CSMD1: variants seen among roughly 807,000 people sequenced by gnomAD.
CSMD1 encodes CUB and Sushi multiple domains 1, also known as CUB and sushi domain-containing protein 1.
A neutral mutation model predicts 417.5 loss-of-function variants in CSMD1; 213 were observed. The ratio of observed to expected loss-of-function variants is 0.51; its 90% CI spans 0.46 to 0.57. The LOEUF (loss-of-function observed/expected upper bound fraction) is 0.57, where lower values mean the gene tolerates loss of function less well. Among genes scored for constraint, CSMD1 ranks in the 20% least tolerant of loss-of-function variants. CSMD1 has a pLI of 0.00. For missense variants in CSMD1, 6,923 were observed against 4,529.7 expected (o/e 1.53, Z -15.17); for synonymous variants, 2,862 against 1,736.8 (o/e 1.65, Z -16.11).
chr8:4,695,963 T>G (rs986325798), intron 1 of CSMD1, among the ~76,000 whole-genome samples: 12 of 152,190 alleles, frequency 7.9e-5, no homozygotes, highest in Admixed American at 2.6e-4. Flanking sequence ...GGTTAGAGAC[T>G]TGGGTTCCGG....
intron 1 of CSMD1, among the ~76,000 whole-genome samples, chr8:4,676,281 G>C (rs927963559): frequency 1.3e-5 from 2 of 152,042 alleles, no homozygotes; most frequent in African/African-American, 4.8e-5. Flanking sequence ...TATATATTAA[G>C]ATAAATTAGC....
chr8:3,648,808 CTCAGA>C (rs201488089), intron 7 of CSMD1, among the ~76,000 whole-genome samples: 7,714 of 152,262 alleles, frequency 0.051, 250 homozygotes, highest in South Asian at 0.083. Flanking sequence ...CGGCACCCCT[CTCAGA>C]ACATGACATT....
intron 6 of CSMD1, among the ~76,000 whole-genome samples, chr8:3,747,710 A>G (rs749688992): frequency 6.6e-6 from 1 of 152,072 alleles, no homozygotes; most frequent in Non-Finnish European, 1.5e-5. Flanking sequence ...CATGCCTGAA[A>G]TGTTCCTTAT....
At chr8:3,050,471 T>C (rs962565264) in intron 50 of CSMD1, among the ~76,000 whole-genome samples, 2 of 152,210 alleles carry the variant, frequency 1.3e-5, no homozygotes, top group African/African-American at 4.8e-5. Context: ...TCCATAAATG[T>C]CTGGGACATT....
chr8:3,716,270 G>A (rs2469305), intron 6 of CSMD1, among the ~76,000 whole-genome samples: 44,630 of 152,114 alleles, frequency 0.29, 7,438 homozygotes, highest in East Asian at 0.49. Flanking sequence ...TGAATCTCAT[G>A]CAAAACAGAA....
At chr8:3,743,839 C>G (rs1271729017) in intron 6 of CSMD1, among the ~76,000 whole-genome samples, 1 of 152,176 alleles carries the variant, frequency 6.6e-6, no homozygotes, top group African/African-American at 2.4e-5. Flanking sequence ...TATCTGCTTC[C>G]TCCTCTAACC....
At chr8:3,554,641 A>G (rs536595178) in intron 10 of CSMD1, among the ~76,000 whole-genome samples, 1 of 152,244 alleles carries the variant, frequency 6.6e-6, no homozygotes, top group African/African-American at 2.4e-5. Context: ...GAAATAGCCC[A>G]TGAATGGCAG....
chr8:3,133,904 G>T (rs1335364774), intron 41 of CSMD1, among the ~76,000 whole-genome samples: 1 of 152,222 alleles, frequency 6.6e-6, no homozygotes, highest in Non-Finnish European at 1.5e-5. Context: ...GCCGGGCGCG[G>T]TGGCTCACGC....
intron 17 of CSMD1, among the ~76,000 whole-genome samples, chr8:3,390,596 CCTT>C (rs1330417820): frequency 1.3e-5 from 2 of 151,962 alleles, no homozygotes; most frequent in Non-Finnish European, 2.9e-5. Flanking sequence ...TGTTCCCACT[CCTT>C]CTTACTTGAA....
At chr8:3,345,611 G>C (rs1807938635) in intron 22 of CSMD1, among the ~76,000 whole-genome samples, 1 of 152,134 alleles carries the variant, frequency 6.6e-6, no homozygotes, top group South Asian at 2.1e-4. Context: ...CCTATAAGTA[G>C]CTAGATTCAA....
intron 3 of CSMD1, among the ~76,000 whole-genome samples, chr8:4,279,589 C>G (rs1439021743): frequency 2.0e-5 from 3 of 152,070 alleles, no homozygotes; most frequent in African/African-American, 4.8e-5. Flanking sequence ...TTTTATTGCC[C>G]TAAACAAATA....
At position 4,699,673 on chromosome 8, in the gene CSMD1, A is replaced by C. The variant is rs955174709; in HGVS notation, c.86-62115T>G. Among the ~76,000 whole-genome samples the C allele has an allele frequency of 1.3e-5, 2 of 152,208 alleles. 1 individual carries two copies. Among genetic ancestry groups the C allele is most frequent in the African/African-American group, 4.8e-5 (2 of 41,466 alleles). On this transcript the variant is annotated intron_variant, in intron 1 of 69. Coordinates refer to ENST00000635120, the MANE Select transcript of CSMD1 (RefSeq NM_033225.6). ...AATTTAGAACATTTTAAACAATGTC[A>C]TCATCCGTACATATGATTTTTAAAA...
chr8:4,884,073 C>G (rs963243824), intron 1 of CSMD1, among the ~76,000 whole-genome samples: 1 of 151,962 alleles, frequency 6.6e-6, no homozygotes, highest in African/African-American at 2.4e-5. Flanking sequence ...TTGCATTTCC[C>G]TGATGGCAAA....
At chr8:4,844,373 C>A (rs1282572901) in intron 1 of CSMD1, among the ~76,000 whole-genome samples, 1 of 152,080 alleles carries the variant, frequency 6.6e-6, no homozygotes, top group Non-Finnish European at 1.5e-5. Flanking sequence ...AACTCATGCC[C>A]TTCCCATAGG....
At chr8:3,493,396 G>C (rs1026498794) in intron 11 of CSMD1, among the ~76,000 whole-genome samples, 5 of 150,880 alleles carry the variant, frequency 3.3e-5, no homozygotes, top group African/African-American at 1.2e-4. Context: ...AAACATATAT[G>C]TTTTTAATAA....
At chr8:4,269,495 T>A (rs1804435713) in intron 3 of CSMD1, among the ~76,000 whole-genome samples, 1 of 152,234 alleles carries the variant, frequency 6.6e-6, no homozygotes, top group Admixed American at 6.5e-5. Flanking sequence ...CTTTTTTGAA[T>A]ATGGGAAGCA....
rs1445347648 is a variant in CSMD1 at position 3,219,425 on chromosome 8, C to G, written c.4502G>C (p.Ser1501Thr). ...LIFKSFNMEP[S>T]YDFLHIYEGE... Reference sequence around the variant, plus strand: ...TTCATAGATGTGTAGGAAGTCATAGCTGGGCTCCATGTTGAAACTAAAGAA... The same window carrying G: ...TTCATAGATGTGTAGGAAGTCATAGGTGGGCTCCATGTTGAAACTAAAGAA... Residue 1501 changes from serine (S) to threonine (T), a missense_variant, in exon 29 of 70, where the codon AGC (serine) becomes ACC (threonine). Coordinates refer to ENST00000635120, the MANE Select transcript of CSMD1 (RefSeq NM_033225.6). 5 of 1,509,264 alleles carry G rather than the reference C, an allele frequency of 3.3e-6. No homozygotes were observed. Among genetic ancestry groups the G allele is most frequent in the South Asian group, 1.3e-5 (1 of 77,656 alleles). 93.5% of individuals were successfully genotyped at this position (1,509,264 alleles called of 1,614,324 possible). A position where few individuals can be genotyped will look rare whatever the true frequency, so the allele number is the denominator to read the frequency against.
chr8:4,893,971 C>A (rs574545365), intron 1 of CSMD1, among the ~76,000 whole-genome samples: 1 of 151,886 alleles, frequency 6.6e-6, no homozygotes, highest in Admixed American at 6.6e-5. Flanking sequence ...TTTTTAGGTA[C>A]AGATTTTCAA....
In CSMD1 at chr8:4,777,210, A is replaced by T. The variant is rs1040627785; in HGVS notation, c.86-139652T>A. 3.9e-5 allele frequency among the ~76,000 whole-genome samples: 6 copies of T among 152,224 alleles called. No individual in the cohort carries two copies. The East Asian group carries it at 1.2e-3, about 29-fold the overall frequency. On this transcript the variant is annotated intron_variant, in intron 1 of 69. Transcript: ENST00000635120. ...TTGTGGTTGTTATTTTACCAAAGAC[A>T]GCTAAACCATGCTGAGAAGCAGAGC...
Sources: gnomAD v4.1 joint callset for allele counts (sites outside exome capture counted in the v4.1 genomes callset) on GRCh38, gnomAD v4.1.1 for gene constraint, MANE v1.5 for transcripts, NCBI Gene and HGNC (gene_info 2026-07-23, HGNC 2026-07-21) for gene names.